HSD17B12: variants seen among roughly 807,000 people sequenced by gnomAD.
HSD17B12 encodes hydroxysteroid 17-beta dehydrogenase 12, also known as very-long-chain 3-oxoacyl-CoA reductase.
HSD17B12 carries 32 observed loss-of-function variants against 39.3 expected under a neutral mutation model. The observed-to-expected ratio is 0.81, with a 90% CI of 0.61 to 1.09. The LOEUF is 1.09. HSD17B12 is among the 50% of genes least tolerant of loss of function. The pLI is 0.00. For synonymous variants in HSD17B12, 150 were observed against 146.7 expected (o/e 1.02, Z -0.16); for missense variants, 342 against 382.9 (o/e 0.89, Z 0.89).
At chr11:43,765,367 G>A (rs1950586364) in intron 3 of HSD17B12, among the ~76,000 whole-genome samples, 1 of 151,794 alleles carries the variant, frequency 6.6e-6, no homozygotes, top group Admixed American at 6.6e-5. Context: ...GGCTTGCATT[G>A]TTTCTGATAA....
the HSD17B12 span, chr11:43,559,646 T>A: frequency 6.4e-6 from 1 of 155,984 alleles, no homozygotes; most frequent in Non-Finnish European, 1.5e-5. Flanking sequence ...GCTGAGACGT[T>A]CTTCATCCAG....
chr11:43,630,793 A>AT, the HSD17B12 span, among the ~76,000 whole-genome samples: 1 of 149,278 alleles, frequency 6.7e-6, no homozygotes, highest in African/African-American at 2.5e-5. Context: ...TAGCTTAATA[A>AT]TTTTTTTCTT....
the HSD17B12 span, among the ~76,000 whole-genome samples, chr11:43,672,821 G>A: frequency 2.0e-5 from 3 of 152,316 alleles, no homozygotes; most frequent in South Asian, 2.1e-4. Context: ...GATTACAGGC[G>A]TGAGTCGCCG....
At chr11:43,778,877 A>G (rs184770489) in intron 3 of HSD17B12, among the ~76,000 whole-genome samples, 4 of 152,362 alleles carry the variant, frequency 2.6e-5, no homozygotes, top group Admixed American at 2.0e-4. Flanking sequence ...TTAGTTTATT[A>G]AAAAGTAATA....
chr11:43,634,370 C>T, the HSD17B12 span, among the ~76,000 whole-genome samples: 37 of 152,094 alleles, frequency 2.4e-4, 2 homozygotes, highest in South Asian at 2.1e-3. Flanking sequence ...CCAAATAATC[C>T]ATCTCTTCCA....
intron 1 of HSD17B12, among the ~76,000 whole-genome samples, chr11:43,744,585 T>C (rs1406727745): frequency 1.3e-5 from 2 of 152,176 alleles, no homozygotes; most frequent in East Asian, 3.8e-4. Flanking sequence ...TAAACTGTCA[T>C]ATAAGGAGAC....
At chr11:43,658,813 G>A in the HSD17B12 span, among the ~76,000 whole-genome samples, 1 of 152,328 alleles carries the variant, frequency 6.6e-6, no homozygotes, top group Admixed American at 6.5e-5. Flanking sequence ...ACTGGGGGGT[G>A]CCTCCCAGTT....
intron 1 of HSD17B12, among the ~76,000 whole-genome samples, chr11:43,707,615 T>C (rs748600264): frequency 5.9e-5 from 9 of 152,250 alleles, no homozygotes; most frequent in Non-Finnish European, 1.2e-4. Flanking sequence ...CCTCTTCTAT[T>C]AGAAGTGCAG....
At chr11:43,734,267 C>A in intron 1 of HSD17B12, 1 of 1,307,336 alleles carries the variant, frequency 7.6e-7, no homozygotes, top group Non-Finnish European at 1.1e-6. Flanking sequence ...CTTGACACAT[C>A]TGACTTTCAG....
the HSD17B12 span, among the ~76,000 whole-genome samples, chr11:43,569,108 G>C: frequency 6.6e-6 from 1 of 152,168 alleles, no homozygotes; most frequent in African/African-American, 2.4e-5. Context: ...GTTGAGATAT[G>C]GGTAAGTAAT....
intron 10 of HSD17B12, 38 bp from the exon 11 acceptor site, chr11:43,855,106 G>A: frequency 7.3e-7 from 1 of 1,378,024 alleles, no homozygotes; most frequent in Non-Finnish European, 1.0e-6. Context: ...CCAAATTGTA[G>A]GCTATAATTA....
At chr11:43,660,564 T>C in the HSD17B12 span, among the ~76,000 whole-genome samples, 1 of 152,328 alleles carries the variant, frequency 6.6e-6, no homozygotes, top group Non-Finnish European at 1.5e-5. Context: ...CTAAGTGGTG[T>C]TGAAGATGCA....
intron 3 of HSD17B12, 81 bp downstream of exon 3, chr11:43,754,202 C>A: frequency 1.1e-6 from 1 of 920,300 alleles, no homozygotes; most frequent in Non-Finnish European, 1.7e-6. Context: ...ATAGTTATTT[C>A]TAGTTCAGGA....
chr11:43,797,481 G>A (rs1950925582), intron 3 of HSD17B12, among the ~76,000 whole-genome samples: 1 of 152,184 alleles, frequency 6.6e-6, no homozygotes, highest in East Asian at 1.9e-4. Context: ...TTCACCAAAG[G>A]ATGGTGAGGC....
At chr11:43,730,132 T>C (rs1950255481) in intron 1 of HSD17B12, among the ~76,000 whole-genome samples, 1 of 152,128 alleles carries the variant, frequency 6.6e-6, no homozygotes, top group African/African-American at 2.4e-5. Flanking sequence ...TGGGTGTTCA[T>C]TTAGTTTGCA....
intron 1 of HSD17B12, among the ~76,000 whole-genome samples, chr11:43,744,552 A>G (rs1213112020): frequency 6.6e-6 from 1 of 152,212 alleles, no homozygotes; most frequent in Non-Finnish European, 1.5e-5. Context: ...AAAGATATAC[A>G]CAATTTAAAA....
chr11:43,683,678 A>G (rs1018762690), intron 1 of HSD17B12, among the ~76,000 whole-genome samples: 4 of 152,232 alleles, frequency 2.6e-5, no homozygotes, highest in African/African-American at 7.2e-5. Context: ...CGAAATTACT[A>G]TCTTAATCTC....
chr11:43,562,514 C>T, the HSD17B12 span, among the ~76,000 whole-genome samples: 2 of 152,224 alleles, frequency 1.3e-5, no homozygotes, highest in Non-Finnish European at 2.9e-5. Flanking sequence ...AGGCTTGGCT[C>T]AGTGCCTGGC....
chr11:43,695,298 G>T (rs771499826), intron 1 of HSD17B12, among the ~76,000 whole-genome samples: 1 of 152,266 alleles, frequency 6.6e-6, no homozygotes, highest in African/African-American at 2.4e-5. Flanking sequence ...ATCTTTATTG[G>T]CCGGGCGTGG....
Sources: allele counts gnomAD v4.1 joint callset (sites outside exome capture counted in the v4.1 genomes callset), GRCh38; gene constraint gnomAD v4.1.1; transcripts MANE v1.5; gene names NCBI Gene and HGNC (gene_info 2026-07-23, HGNC 2026-07-21).